The following PUM1 variants were observed in gnomAD, a reference collection of about 807,000 sequenced individuals.
The protein encoded by PUM1 is pumilio RNA binding family member 1.
In PUM1, 13 loss-of-function variants were observed where a neutral mutation model predicts 131.8. That is an observed-to-expected ratio of 0.10 (90% CI 0.06 to 0.16). The LOEUF (loss-of-function observed/expected upper bound fraction) is 0.16. Among genes scored for constraint, PUM1 ranks in the 10% least tolerant of loss-of-function variants. The pLI is 1.00. For missense variants in PUM1, 961 were observed against 1,512.4 expected (o/e 0.64, Z 6.05); for synonymous variants, 509 against 556.5 (o/e 0.91, Z 1.20).
At chr1:31,034,378 C>T (rs977886538) in intron 2 of PUM1, among the ~76,000 whole-genome samples, 1 of 152,156 alleles carries the variant, frequency 6.6e-6, no homozygotes, top group Admixed American at 6.5e-5. Context: ...CAGGCTCACA[C>T]CTGCAATCAC....
At chr1:31,042,886 G>C (rs529740986) in intron 2 of PUM1, among the ~76,000 whole-genome samples, 124 of 152,244 alleles carry the variant, frequency 8.1e-4, no homozygotes, top group Middle Eastern at 6.8e-3. Context: ...GCATGCACCA[G>C]ATGATTTTTC....
chr1:30,953,533 T>A (rs545006083), intron 15 of PUM1, among the ~76,000 whole-genome samples, 181 bp downstream of exon 15: 19 of 152,342 alleles, frequency 1.2e-4, no homozygotes, highest in Admixed American at 1.0e-3. Context: ...CCGAAGTGTA[T>A]GTATGTCTTT....
chr1:30,960,394 G>A (rs1395007109), intron 14 of PUM1, among the ~76,000 whole-genome samples: 2 of 152,070 alleles, frequency 1.3e-5, no homozygotes, highest in Non-Finnish European at 2.9e-5. Flanking sequence ...AATCTGTCCT[G>A]GAGGTTCTAC....
At chr1:31,011,003 TA>T (rs1222901876) in intron 3 of PUM1, among the ~76,000 whole-genome samples, 1 of 152,080 alleles carries the variant, frequency 6.6e-6, no homozygotes, top group East Asian at 1.9e-4. Context: ...AAAGACTTTT[TA>T]AAAATCAGTC....
intron 2 of PUM1, among the ~76,000 whole-genome samples, chr1:31,050,353 T>C (rs1011318451): frequency 7.2e-5 from 11 of 151,944 alleles, no homozygotes; most frequent in Non-Finnish European, 1.6e-4. Context: ...GGCATGGTGG[T>C]ACACCCCTGT....
intron 14 of PUM1, among the ~76,000 whole-genome samples, chr1:30,954,579 T>C (rs1346805539): frequency 6.6e-6 from 1 of 152,170 alleles, no homozygotes; most frequent in Non-Finnish European, 1.5e-5. Context: ...AGACAGGAGA[T>C]GCCTTAAAAA....
At chr1:30,979,841 T>C (rs889208386) in intron 9 of PUM1, among the ~76,000 whole-genome samples, 2 of 152,050 alleles carry the variant, frequency 1.3e-5, no homozygotes, top group East Asian at 1.9e-4. Context: ...CAAAAACACA[T>C]ATGCAAGGCG....
chr1:31,037,983 G>A (rs1643669703), intron 2 of PUM1, among the ~76,000 whole-genome samples: 1 of 151,614 alleles, frequency 6.6e-6, no homozygotes, highest in Non-Finnish European at 1.5e-5. Flanking sequence ...GGAGGCTGAG[G>A]CAGGAGAATG....
intron 11 of PUM1, 130 bp downstream of exon 11, chr1:30,968,224 C>G (rs775945456): frequency 2.4e-6 from 3 of 1,262,670 alleles, no homozygotes; most frequent in Non-Finnish European, 3.4e-6. Flanking sequence ...AAGTGTGTAT[C>G]ATCCTTGCCA....
At position 31,050,778 on chromosome 1, in the gene PUM1, C is replaced by T. The variant is rs149826412; in HGVS notation, c.363+8426G>A. ...CCCAGTTTGGGAAATACTTGGGCTC[C>T]CTCCCAGTTTAACATAGTAGTCCCT... On this transcript the variant is annotated intron_variant, in intron 2 of 21. Coordinates refer to ENST00000426105, the MANE Select transcript of PUM1 (RefSeq NM_001020658.2). 5.4e-3 allele frequency: 841 copies of T among 154,494 alleles called. 6 individuals carry two copies. The highest frequency in any genetic ancestry group is 8.7e-3 in the Admixed American group (137 of 15,784). 9.6% of individuals were successfully genotyped at this position (154,494 alleles called of 1,614,324 possible). A position where few individuals can be genotyped will look rare whatever the true frequency, so the allele number is the denominator to read the frequency against.
chr1:30,992,276 C>CT, intron 7 of PUM1, 114 bp downstream of exon 7: 2 of 1,373,334 alleles, frequency 1.5e-6, no homozygotes, highest in Non-Finnish European at 2.0e-6. Context: ...CAAGGGCTAG[C>CT]TATGGATAGC....
chr1:30,944,363 C>T (rs185698728), intron 18 of PUM1, among the ~76,000 whole-genome samples: 64 of 152,216 alleles, frequency 4.2e-4, no homozygotes, highest in Admixed American at 2.9e-3. Flanking sequence ...GTCCCACCCA[C>T]CTTAGGAGAC....
chr1:31,058,297 A>C (rs574977246), intron 2 of PUM1, among the ~76,000 whole-genome samples: 2 of 152,278 alleles, frequency 1.3e-5, no homozygotes, highest in Admixed American at 6.5e-5. Context: ...TCTATCCTAT[A>C]AACAACCCTA....
chr1:31,047,477 T>TA (rs1040132440), intron 2 of PUM1, among the ~76,000 whole-genome samples: 5 of 152,372 alleles, frequency 3.3e-5, no homozygotes, highest in East Asian at 1.9e-4. Context: ...AATAACTAGA[T>TA]AGATTCTAAT....
chr1:30,972,261 A>AAG (rs1640903208), intron 10 of PUM1, among the ~76,000 whole-genome samples: 2 of 50,046 alleles, frequency 4.0e-5, no homozygotes, highest in African/African-American at 8.4e-5. Flanking sequence ...TCAGAAAGAA[A>AAG]AGAAAAGAAG....
intron 7 of PUM1, among the ~76,000 whole-genome samples, chr1:30,983,540 C>T (rs549243680): frequency 2.0e-5 from 3 of 152,082 alleles, no homozygotes; most frequent in South Asian, 4.1e-4. Flanking sequence ...AAGGGTATCT[C>T]GATTTATTAA....
At chr1:31,047,333 A>C (rs1643993349) in intron 2 of PUM1, among the ~76,000 whole-genome samples, 1 of 152,218 alleles carries the variant, frequency 6.6e-6, no homozygotes, top group African/African-American at 2.4e-5. Context: ...AGGAGATCAG[A>C]AATCTCTCAA....
At chr1:31,031,924 CTCTT>C (rs1643445696) in intron 2 of PUM1, among the ~76,000 whole-genome samples, 3 of 151,832 alleles carry the variant, frequency 2.0e-5, no homozygotes, top group Admixed American at 2.0e-4. Context: ...TTCTCTCCCT[CTCTT>C]TTTCTCTCTA....
intron 14 of PUM1, among the ~76,000 whole-genome samples, chr1:30,955,414 G>A (rs139775636): frequency 0.016 from 2,418 of 148,002 alleles, 71 homozygotes; most frequent in African/African-American, 0.056. Context: ...GCAGTGAGCC[G>A]AGATTGTGCC....
Sources: allele counts gnomAD v4.1 joint callset (sites outside exome capture counted in the v4.1 genomes callset), GRCh38; gene constraint gnomAD v4.1.1; transcripts MANE v1.5; gene names NCBI Gene and HGNC (gene_info 2026-07-23, HGNC 2026-07-21).